PRUNE2: variants seen among roughly 807,000 people sequenced by gnomAD.
The protein encoded by PRUNE2 is prune homolog 2 with BCH domain, also known as protein prune homolog 2.
Under a neutral mutation model 252.0 loss-of-function variants are expected in PRUNE2, and 164 were observed. The observed-to-expected ratio is 0.65, with a 90% CI of 0.57 to 0.74. The LOEUF (loss-of-function observed/expected upper bound fraction) is 0.74. Among genes scored for constraint, PRUNE2 ranks in the 30% least tolerant of loss-of-function variants. PRUNE2 has a pLI of 0.00. For missense variants in PRUNE2, 3,495 were observed against 3,711.0 expected, an observed-to-expected ratio of 0.94 and a Z score of 1.51; for synonymous variants, 1,292 against 1,350.2, an observed-to-expected ratio of 0.96 and a Z score of 0.94.
intron 11 of PRUNE2, among the ~76,000 whole-genome samples, chr9:76,646,017 TCA>T (rs1844693478): frequency 6.6e-6 from 1 of 152,240 alleles, no homozygotes; most frequent in Non-Finnish European, 1.5e-5. Context: ...TTGCCTCAGA[TCA>T]CAGTTACTAA....
intron 6 of PRUNE2, chr9:76,764,312 T>C (rs904281776): frequency 8.5e-5 from 13 of 152,142 alleles, no homozygotes; most frequent in Non-Finnish European, 1.5e-5. Context: ...GGAAGGAGCA[T>C]GATGAGACAG....
chr9:76,649,644 A>AGATAGATG (rs1350692532), intron 11 of PRUNE2, among the ~76,000 whole-genome samples: 1 of 147,920 alleles, frequency 6.8e-6, no homozygotes, highest in African/African-American at 2.6e-5. Context: ...ATAGATAGAT[A>AGATAGATG]GAATAGGCTT....
At chr9:76,787,431 T>G (rs2131331013) in intron 6 of PRUNE2, 1 of 152,214 alleles carries the variant, frequency 6.6e-6, no homozygotes, top group Non-Finnish European at 1.5e-5. Context: ...GACAAATACC[T>G]AATGCATGTG....
chr9:76,707,737 GA>G lies in PRUNE2; in HGVS notation c.4536del (p.Asp1514ThrfsTer37). The G allele has an allele frequency of 6.2e-7, 1 of 1,613,808 alleles. No individual in the cohort carries two copies. The highest frequency in any genetic ancestry group is 8.5e-7 in the Non-Finnish European group (1 of 1,179,844). On this transcript the variant is annotated frameshift_variant, in exon 8 of 19. Coordinates refer to ENST00000376718, the MANE Select transcript of PRUNE2 (RefSeq NM_015225.3). LOFTEE classifies it high-confidence loss of function. ...VSSTCSEITK[N>X]LDVKGSENSL... Reference sequence around the variant, plus strand: ...CTATTTTCAGACCCCTTAACGTCAAGATTTTTGGTTATCTCAGAACATGTGC... The same window carrying G: ...CTATTTTCAGACCCCTTAACGTCAAGTTTTTGGTTATCTCAGAACATGTGC...
intron 4 of PRUNE2, among the ~76,000 whole-genome samples, chr9:76,837,916 C>T (rs541550823): frequency 7.9e-5 from 12 of 150,978 alleles, no homozygotes; most frequent in East Asian, 2.0e-4. Flanking sequence ...GGACTACAGG[C>T]GCCTGCCACC....
chr9:76,761,766 C>T (rs1349984539), intron 6 of PRUNE2, among the ~76,000 whole-genome samples: 1 of 152,160 alleles, frequency 6.6e-6, no homozygotes, highest in Non-Finnish European at 1.5e-5. Context: ...GAATATTAAT[C>T]AAAGTTTATC....
Position 76,710,998 on chromosome 9 carries a change from G to T in PRUNE2, c.1276C>A (p.Pro426Thr). Residue 426 changes from proline (P) to threonine (T), a missense_variant, in exon 8 of 19, where the codon CCA becomes ACA. Transcript: ENST00000376718. ...CTAATGGTAGCCAGTCCGCTGTCTG[G>T]GCTAACAAGGTCTACATTGGCATCC... ...QVDANVDLVSPDSGLATIRSS... is the reference protein window; with the variant it reads ...QVDANVDLVSTDSGLATIRSS... 6.2e-7 allele frequency: 1 copy of T among 1,613,188 alleles called. No individual in the cohort carries two copies. The highest frequency in any genetic ancestry group is 1.1e-5 in the South Asian group (1 of 90,968).
At chr9:76,627,170 G>A (rs1038652585) in intron 16 of PRUNE2, among the ~76,000 whole-genome samples, 3 of 151,520 alleles carry the variant, frequency 2.0e-5, no homozygotes, top group African/African-American at 7.3e-5. Context: ...GTGCGATCTC[G>A]GCTCACTGCA....
chr9:76,800,696 A>G (rs2056491559), intron 6 of PRUNE2, among the ~76,000 whole-genome samples: 1 of 152,196 alleles, frequency 6.6e-6, no homozygotes, highest in Admixed American at 6.5e-5. Flanking sequence ...CTCTGGATAT[A>G]GAATTCACCT....
chr9:76,794,640 A>G (rs1216172935), intron 6 of PRUNE2, among the ~76,000 whole-genome samples: 9 of 151,422 alleles, frequency 5.9e-5, no homozygotes, highest in African/African-American at 2.2e-4. Flanking sequence ...AGAAAAGAAA[A>G]GAAAGAAAGA....
intron 1 of PRUNE2, among the ~76,000 whole-genome samples, chr9:76,886,792 T>C (rs374949164): frequency 2.6e-5 from 4 of 152,224 alleles, no homozygotes; most frequent in East Asian, 3.8e-4. Flanking sequence ...CCCTACTTTC[T>C]GGGTTAATTT....
chr9:76,730,571 A>G (rs1474444901), intron 6 of PRUNE2, among the ~76,000 whole-genome samples: 9 of 152,144 alleles, frequency 5.9e-5, no homozygotes, highest in Non-Finnish European at 1.3e-4. Flanking sequence ...TGCTACCAGA[A>G]GCCATAAAAA....
At chr9:76,648,444 A>G (rs1223634529) in intron 11 of PRUNE2, among the ~76,000 whole-genome samples, 1 of 152,224 alleles carries the variant, frequency 6.6e-6, no homozygotes, top group East Asian at 1.9e-4. Flanking sequence ...TGAATGGAAA[A>G]TAACCTGTGA....
At chr9:76,898,130 A>G (rs1371316603) in intron 1 of PRUNE2, among the ~76,000 whole-genome samples, 2 of 152,212 alleles carry the variant, frequency 1.3e-5, no homozygotes, top group Non-Finnish European at 2.9e-5. Flanking sequence ...ATTTGAAATC[A>G]GGCACTGGCT....
rs564456496 is a variant in PRUNE2 at position 76,752,055 on chromosome 9, C to G, written c.757-38334G>C. Among the ~76,000 whole-genome samples the G allele has an allele frequency of 1.1e-4, 16 of 151,086 alleles. No individual in the cohort carries two copies. The South Asian group carries it at 3.2e-3, about 30-fold the overall frequency. Reference sequence around the variant, plus strand: ...ATCAGGATTAGATGGGCCTTAAAAGCTATTTAGATCAACGACTGACTCAAT... The same window carrying G: ...ATCAGGATTAGATGGGCCTTAAAAGGTATTTAGATCAACGACTGACTCAAT... On this transcript the variant is annotated intron_variant, in intron 6 of 18. Coordinates refer to ENST00000376718, the MANE Select transcript of PRUNE2 (RefSeq NM_015225.3).
At chr9:76,882,745 C>T (rs1350558782) in intron 1 of PRUNE2, among the ~76,000 whole-genome samples, 1 of 152,160 alleles carries the variant, frequency 6.6e-6, no homozygotes, top group Non-Finnish European at 1.5e-5. Context: ...CCCCATGATC[C>T]AATCACTTCC....
intron 1 of PRUNE2, among the ~76,000 whole-genome samples, chr9:76,901,070 C>G (rs1420791379): frequency 6.6e-6 from 1 of 152,182 alleles, no homozygotes; most frequent in East Asian, 1.9e-4. Context: ...GTCTGAATCA[C>G]AGGGAGCACC....
At chr9:76,735,073 G>A (rs2048959955) in intron 6 of PRUNE2, among the ~76,000 whole-genome samples, 1 of 152,160 alleles carries the variant, frequency 6.6e-6, no homozygotes. Context: ...TGAGGACAAG[G>A]ACAACACTGA....
Position 76,823,766 on chromosome 9 carries a change from A to G in PRUNE2, c.662-40T>C, listed in dbSNP as rs1232473634. The G allele has an allele frequency of 4.7e-6, 6 of 1,284,400 alleles. No homozygotes were observed. In the East Asian group the frequency reaches 1.2e-4, roughly 25 times the overall value. 79.6% of individuals were successfully genotyped at this position (1,284,400 alleles called of 1,614,324 possible). A position where few individuals can be genotyped will look rare whatever the true frequency, so the allele number is the denominator to read the frequency against. On this transcript the variant is annotated intron_variant, in intron 5 of 18. Coordinates refer to ENST00000376718, the MANE Select transcript of PRUNE2 (RefSeq NM_015225.3). ...AAAAAAAAACATTATGTTATACTTG[A>G]GGGATTTTTTTTTTGTAATATCAAG...
Sources: gnomAD v4.1 joint callset for allele counts (sites outside exome capture counted in the v4.1 genomes callset) on GRCh38, gnomAD v4.1.1 for gene constraint, MANE v1.5 for transcripts, NCBI Gene and HGNC (gene_info 2026-07-23, HGNC 2026-07-21) for gene names.